The following ASAP1 variants were observed in gnomAD, a reference collection of about 807,000 sequenced individuals.
ASAP1 encodes the protein ArfGAP with SH3 domain, ankyrin repeat and PH domain 1, also known as arf-GAP with SH3 domain, ANK repeat and PH domain-containing protein 1.
A neutral mutation model predicts 145.2 loss-of-function variants in ASAP1; 43 were observed. The observed-to-expected ratio is 0.30, with a 90% CI of 0.23 to 0.38. ASAP1 has a LOEUF of 0.38. ASAP1 is among the 10% of genes least tolerant of loss of function. The pLI is 1.00. For missense variants in ASAP1, 1,018 were observed against 1,355.3 expected (o/e 0.75, Z 3.91); for synonymous variants, 546 against 515.5 (o/e 1.06, Z -0.80).
chr8:130,426,319 A>T (rs1365241908), intron 1 of ASAP1, among the ~76,000 whole-genome samples: 1 of 152,100 alleles, frequency 6.6e-6, no homozygotes, highest in Non-Finnish European at 1.5e-5. Context: ...AGCCTGCAGA[A>T]CCATGTGCTG....
At chr8:130,083,483 G>A (rs2097485966) in intron 25 of ASAP1, 1 of 152,180 alleles carries the variant, frequency 6.6e-6, no homozygotes, top group Non-Finnish European at 1.5e-5. Context: ...GACAAGTGTG[G>A]CTTTGAATTC....
At chr8:130,232,411 T>G (rs980930620) in intron 4 of ASAP1, among the ~76,000 whole-genome samples, 42 of 152,212 alleles carry the variant, frequency 2.8e-4, no homozygotes, top group African/African-American at 9.4e-4. Context: ...AACGACAATG[T>G]GTTTCACAGA....
At chr8:130,253,542 G>C (rs569162433) in intron 3 of ASAP1, among the ~76,000 whole-genome samples, 1 of 152,294 alleles carries the variant, frequency 6.6e-6, no homozygotes, top group East Asian at 1.9e-4. Context: ...CATTGAACAA[G>C]CTCTTTAGAT....
chr8:130,204,944 T>C (rs988992655), intron 5 of ASAP1, among the ~76,000 whole-genome samples: 1 of 152,244 alleles, frequency 6.6e-6, no homozygotes, highest in Non-Finnish European at 1.5e-5. Flanking sequence ...GAATTACTTG[T>C]ATAGTAAAAG....
intron 13 of ASAP1, among the ~76,000 whole-genome samples, 192 bp from the exon 14 acceptor site, chr8:130,137,230 T>C (rs2097597072): frequency 6.6e-6 from 1 of 152,228 alleles, no homozygotes; most frequent in South Asian, 2.1e-4. Flanking sequence ...ATCTGTAGGT[T>C]TCTGCCCTCA....
At chr8:130,252,340 T>G (rs1488586214) in intron 3 of ASAP1, among the ~76,000 whole-genome samples, 1 of 152,220 alleles carries the variant, frequency 6.6e-6, no homozygotes, top group African/African-American at 2.4e-5. Flanking sequence ...ACAGCTGTGC[T>G]ATGTTGTAAT....
chr8:130,149,262 G>C (rs1421789770), intron 13 of ASAP1, among the ~76,000 whole-genome samples: 1 of 149,358 alleles, frequency 6.7e-6, no homozygotes, highest in East Asian at 1.9e-4. Flanking sequence ...GTTGGAAGCT[G>C]CTATCACAAT....
At chr8:130,199,609 A>C (rs944893540) in intron 5 of ASAP1, among the ~76,000 whole-genome samples, 2 of 152,194 alleles carry the variant, frequency 1.3e-5, no homozygotes, top group Non-Finnish European at 2.9e-5. Flanking sequence ...CCAGCTGTGG[A>C]TGTTTAGGCA....
intron 3 of ASAP1, among the ~76,000 whole-genome samples, chr8:130,308,373 CA>C (rs1161431447): frequency 2.6e-5 from 4 of 152,164 alleles, no homozygotes; most frequent in Admixed American, 2.6e-4. Context: ...AAATTTAAAT[CA>C]AACAGACTAA....
At chr8:130,079,391 G>T (rs1049020306) in intron 26 of ASAP1, among the ~76,000 whole-genome samples, 1 of 151,484 alleles carries the variant, frequency 6.6e-6, no homozygotes, top group Non-Finnish European at 1.5e-5. Context: ...AGTGAAAAAA[G>T]GGAAGAAAAG....
intron 3 of ASAP1, among the ~76,000 whole-genome samples, chr8:130,254,422 T>C (rs372847595): frequency 4.6e-5 from 7 of 152,182 alleles, no homozygotes; most frequent in East Asian, 3.8e-4. Flanking sequence ...TAATTCAAAG[T>C]AAGACTTGCA....
At chr8:130,178,125 T>A (rs1814093692) in intron 9 of ASAP1, among the ~76,000 whole-genome samples, 1 of 152,258 alleles carries the variant, frequency 6.6e-6, no homozygotes. Flanking sequence ...ATATAACTAT[T>A]GAAAAGAATA....
chr8:130,138,321 T>C (rs908842773), intron 13 of ASAP1, among the ~76,000 whole-genome samples: 2 of 152,196 alleles, frequency 1.3e-5, no homozygotes, highest in African/African-American at 4.8e-5. Context: ...GTCCCATATC[T>C]ATCTATTCCA....
chr8:130,284,654 T>A (rs569471393), intron 3 of ASAP1, among the ~76,000 whole-genome samples: 4 of 151,990 alleles, frequency 2.6e-5, no homozygotes, highest in African/African-American at 9.7e-5. Flanking sequence ...CAGACTGTGA[T>A]GTAGGATGCA....
At chr8:130,077,992 CTTTT>C (rs555579534) in intron 26 of ASAP1, among the ~76,000 whole-genome samples, 1 of 139,482 alleles carries the variant, frequency 7.2e-6, no homozygotes, top group East Asian at 2.1e-4. Context: ...TGTTTAAAAA[CTTTT>C]TTTTTTTTTT....
intron 9 of ASAP1, among the ~76,000 whole-genome samples, chr8:130,172,617 T>G (rs567609041): frequency 6.4e-4 from 97 of 152,328 alleles, no homozygotes; most frequent in Middle Eastern, 3.4e-3. Flanking sequence ...TTTCAAGTGC[T>G]TGGTAGCCAC....
At chr8:130,415,442 T>A (rs1829435290) in intron 1 of ASAP1, among the ~76,000 whole-genome samples, 1 of 152,118 alleles carries the variant, frequency 6.6e-6, no homozygotes, top group African/African-American at 2.4e-5. Context: ...CACTCCAGTC[T>A]GGGCAACACA....
chr8:130,061,184 A>T, intron 27 of ASAP1, 115 bp from the exon 28 acceptor site: 3 of 1,307,678 alleles, frequency 2.3e-6, no homozygotes, highest in Non-Finnish European at 3.0e-6. Context: ...GAGCACTTGA[A>T]ATGGATGAAC....
At chr8:130,243,572 C>T (rs1818673284) in intron 3 of ASAP1, among the ~76,000 whole-genome samples, 1 of 152,134 alleles carries the variant, frequency 6.6e-6, no homozygotes, top group African/African-American at 2.4e-5. Flanking sequence ...CCTCTGTTCC[C>T]ACACCCTCCA....
Sources: allele counts gnomAD v4.1 joint callset (sites outside exome capture counted in the v4.1 genomes callset), GRCh38; gene constraint gnomAD v4.1.1; transcripts MANE v1.5; gene names NCBI Gene and HGNC (gene_info 2026-07-23, HGNC 2026-07-21).